BMP6: variants seen among roughly 807,000 people sequenced by gnomAD.
The protein encoded by BMP6 is VG-1-R.
In BMP6, 17 loss-of-function variants were observed where a neutral mutation model predicts 54.1. The observed-to-expected ratio is 0.31, with a 90% CI of 0.22 to 0.47. The LOEUF is 0.47. Ranked by LOEUF, BMP6 falls within the 20% of genes least tolerant of loss-of-function variation. The pLI is 1.00. For synonymous variants in BMP6, 328 were observed against 291.2 expected (o/e 1.13, Z -1.28); for missense variants, 720 against 690.4 (o/e 1.04, Z -0.48).
At chr6:7,801,389 G>A (rs552209597) in intron 1 of BMP6, among the ~76,000 whole-genome samples, 144 of 152,326 alleles carry the variant, frequency 9.5e-4, no homozygotes, top group African/African-American at 3.1e-3. Flanking sequence ...AGTGACGCTC[G>A]GGTGGACTCT....
chr6:7,860,268 G>T (rs1174335011), intron 2 of BMP6, among the ~76,000 whole-genome samples: 1 of 152,164 alleles, frequency 6.6e-6, no homozygotes, highest in Admixed American at 6.5e-5. Flanking sequence ...TTATGTAAAT[G>T]TATGCTTATC....
At chr6:7,748,272 T>G (rs569418041) in intron 1 of BMP6, among the ~76,000 whole-genome samples, 1 of 152,280 alleles carries the variant, frequency 6.6e-6, no homozygotes, top group South Asian at 2.1e-4. Context: ...AGATAATACA[T>G]GTAAAGAGCC....
chr6:7,859,154 C>G (rs1166553629), intron 2 of BMP6, among the ~76,000 whole-genome samples: 1 of 152,090 alleles, frequency 6.6e-6, no homozygotes, highest in Non-Finnish European at 1.5e-5. Flanking sequence ...CTCTTTAATT[C>G]ATTCCTTCTC....
intron 1 of BMP6, among the ~76,000 whole-genome samples, chr6:7,777,496 G>A (rs1757878943): frequency 6.6e-6 from 1 of 152,136 alleles, no homozygotes. Context: ...TATGGGGACT[G>A]GAGAATCGAA....
At chr6:7,813,108 A>AAAAAAAAAT (rs1554122651) in intron 1 of BMP6, among the ~76,000 whole-genome samples, 6 of 21,496 alleles carry the variant, frequency 2.8e-4, no homozygotes, top group Non-Finnish European at 3.0e-4. Flanking sequence ...AAAAAAAAAA[A>AAAAAAAAAT]ATATATATAT....
At chr6:7,804,657 T>A (rs1327742064) in intron 1 of BMP6, among the ~76,000 whole-genome samples, 1 of 152,200 alleles carries the variant, frequency 6.6e-6, no homozygotes, top group African/African-American at 2.4e-5. Context: ...ACATCTGGTG[T>A]CTTTTACGTG....
At chr6:7,758,302 C>T (rs2113137457) in intron 1 of BMP6, among the ~76,000 whole-genome samples, 1 of 152,282 alleles carries the variant, frequency 6.6e-6, no homozygotes, top group African/African-American at 2.4e-5. Flanking sequence ...CAAGTGATCT[C>T]CCAGCTATCC....
intron 2 of BMP6, among the ~76,000 whole-genome samples, chr6:7,849,519 AT>A (rs942867548): frequency 6.6e-6 from 1 of 152,208 alleles, no homozygotes; most frequent in African/African-American, 2.4e-5. Flanking sequence ...CTATGGTAGC[AT>A]CATGAGTACA....
At chr6:7,846,934 A>G (rs1759074829) in intron 2 of BMP6, among the ~76,000 whole-genome samples, 1 of 152,212 alleles carries the variant, frequency 6.6e-6, no homozygotes, top group African/African-American at 2.4e-5. Flanking sequence ...TATTGGGAAT[A>G]TATGTTTTTC....
intron 1 of BMP6, among the ~76,000 whole-genome samples, chr6:7,834,336 G>C (rs954062575): frequency 6.9e-6 from 1 of 144,194 alleles, no homozygotes; most frequent in African/African-American, 2.6e-5. Context: ...AATCATCAGA[G>C]TGACGGGAGA....
At chr6:7,772,390 T>G (rs1055287037) in intron 1 of BMP6, among the ~76,000 whole-genome samples, 4 of 152,214 alleles carry the variant, frequency 2.6e-5, no homozygotes, top group Admixed American at 6.5e-5. Context: ...CGGCCCAATC[T>G]GTCAGTAATG....
Position 7,745,791 on chromosome 6 carries a change from G to T in BMP6, c.664+18172G>T, listed in dbSNP as rs142301874. On this transcript the variant is annotated intron_variant, in intron 1 of 6. Transcript: ENST00000283147. ...CAGCTGGCCCAAACAGAGCATGATG[G>T]TATCTATGATAGAGGTGAAAAAAAA... is the stretch of plus-strand genomic sequence containing the variant. 5.9e-4 allele frequency among the ~76,000 whole-genome samples: 89 copies of T among 150,934 alleles called. No homozygotes were observed. The East Asian group carries it at 0.015, about 25-fold the overall frequency.
In BMP6 at chr6:7,845,227, T is replaced by C. The variant is rs779631594; in HGVS notation, c.752T>C (p.Val251Ala). 3 of 1,614,096 alleles carry C rather than the reference T, an allele frequency of 1.9e-6. No homozygotes were observed. Among genetic ancestry groups the C allele is most frequent in the African/African-American group, 1.3e-5 (1 of 74,952 alleles). The change falls in exon 2 of 7, where the codon GTG (valine) becomes GCG (alanine). Residue 251 changes from valine (V) to alanine (A), a missense_variant. By Grantham distance (64) the Val-to-Ala change is moderately conservative. Transcript: ENST00000283147. Reference sequence around the variant, plus strand: ...TCCCAGATTCCTGAGGGTGAGGTGGTGACGGCTGCAGAATTCCGCATCTAC... The same window carrying C: ...TCCCAGATTCCTGAGGGTGAGGTGGCGACGGCTGCAGAATTCCGCATCTAC... Reference protein sequence around the residue: ...NLSQIPEGEVVTAAEFRIYKD... With the variant: ...NLSQIPEGEVATAAEFRIYKD...
At chr6:7,868,264 T>C (rs1759457153) in intron 4 of BMP6, among the ~76,000 whole-genome samples, 1 of 152,228 alleles carries the variant, frequency 6.6e-6, no homozygotes, top group African/African-American at 2.4e-5. Context: ...TTCTCAATGT[T>C]GACCATCCAA....
At chr6:7,782,597 C>G (rs984217796) in intron 1 of BMP6, among the ~76,000 whole-genome samples, 12 of 152,066 alleles carry the variant, frequency 7.9e-5, no homozygotes, top group Non-Finnish European at 1.6e-4. Context: ...GCAGTCCCAG[C>G]TACCTGGGGG....
At chr6:7,746,050 C>T (rs776766370) in intron 1 of BMP6, among the ~76,000 whole-genome samples, 2 of 152,052 alleles carry the variant, frequency 1.3e-5, no homozygotes, top group Non-Finnish European at 2.9e-5. Flanking sequence ...TCAGGCTGAG[C>T]GTGGAAAGAG....
intron 1 of BMP6, among the ~76,000 whole-genome samples, chr6:7,797,783 C>T (rs1244951572): frequency 6.6e-6 from 1 of 152,158 alleles, no homozygotes. Flanking sequence ...GAGACCGATA[C>T]AAGTTATAGA....
At position 7,862,428 on chromosome 6, in the gene BMP6, C is replaced by T; in HGVS notation, c.1134C>T (p.Ser378=). 6.2e-7 allele frequency: 1 copy of T among 1,614,224 alleles called. No homozygotes were observed. Among genetic ancestry groups the T allele is most frequent in the South Asian group, 1.1e-5 (1 of 91,084 alleles). ...TGCGCACCACCAGGTCAGCCTCCAG[C>T]CGGCGCCGACAACAGAGTCGTAATC... ...VHVRTTRSAS[S]RRRQQSRNRS... is the part of the protein sequence containing the mutation. The change falls in exon 4 of 7, where the codon AGC becomes AGT. Residue 378 remains serine, a synonymous_variant. Coordinates refer to ENST00000283147, the MANE Select transcript of BMP6 (RefSeq NM_001718.6).
At chr6:7,846,859 A>C (rs768134530) in intron 2 of BMP6, among the ~76,000 whole-genome samples, 2 of 152,160 alleles carry the variant, frequency 1.3e-5, no homozygotes, top group Non-Finnish European at 2.9e-5. Flanking sequence ...AGTCTGCCTA[A>C]TTATTTATTT....
Sources: gnomAD v4.1 joint callset for allele counts (sites outside exome capture counted in the v4.1 genomes callset) on GRCh38, gnomAD v4.1.1 for gene constraint, MANE v1.5 for transcripts, NCBI Gene and HGNC (gene_info 2026-07-23, HGNC 2026-07-21) for gene names.